The following SOS1 variants were observed in gnomAD, a reference collection of about 807,000 sequenced individuals.
SOS1 encodes son of sevenless homolog 1.
Under a neutral mutation model 157.6 loss-of-function variants are expected in SOS1, and 25 were observed. That is an observed-to-expected ratio of 0.16 (90% CI 0.12 to 0.22). The LOEUF is 0.22. Ranked by LOEUF, SOS1 falls within the 10% of genes least tolerant of loss-of-function variation. The probability of loss-of-function intolerance (pLI) is 1.00; values close to 1 mark genes in which losing one functional copy is unlikely to be tolerated. For synonymous variants in SOS1, 528 were observed against 534.0 expected, an observed-to-expected ratio of 0.99 and a Z score of 0.16; for missense variants, 1,237 against 1,599.1, an observed-to-expected ratio of 0.77 and a Z score of 3.86.
intron 1 of SOS1, among the ~76,000 whole-genome samples, chr2:39,093,364 T>C (rs779547479): frequency 1.3e-5 from 2 of 152,244 alleles, no homozygotes; most frequent in Non-Finnish European, 2.9e-5. Context: ...TATAGCAAAG[T>C]ACTGGCAATC....
At chr2:38,994,953 A>T (rs568365612) in intron 20 of SOS1, among the ~76,000 whole-genome samples, 170 bp downstream of exon 20, 1 of 152,328 alleles carries the variant, frequency 6.6e-6, no homozygotes, top group Admixed American at 6.5e-5. Context: ...AGAAATTTCA[A>T]GTTGGTGGAG....
chr2:39,023,091 A>G lies in SOS1; in HGVS notation c.1337T>C (p.Met446Thr), dbSNP rs1669849037. The G allele has an allele frequency of 6.2e-7, 1 of 1,613,652 alleles. No homozygotes were observed. Among genetic ancestry groups the G allele is most frequent in the South Asian group, 1.1e-5 (1 of 91,062 alleles). Residue 446 changes from methionine (M) to threonine (T), a missense_variant, in exon 10 of 23, where the codon ATG becomes ACG. This residue lies in a region of SOS1 where 210 missense variants were observed against 220.2 expected (regional missense o/e 0.95). Transcript: ENST00000402219. The stretch of plus-strand genomic sequence containing the variant: ...TCCTACACGTGTAAGAGTTCCTTCC[A>G]TTATAAATTCATTACAACACTGTCC... ...DIGQCCNEFI[M>T]EGTLTRVGAK...
chr2:39,023,288 T>A, intron 9 of SOS1, 63 bp from the exon 10 acceptor site: 1 of 1,230,856 alleles, frequency 8.1e-7, no homozygotes, highest in Non-Finnish European at 1.2e-6. Context: ...CTCATGTAAG[T>A]AAGGGAAAGT....
chr2:39,122,992 C>G (rs867922591), upstream of SOS1, among the ~76,000 whole-genome samples: 31 of 152,176 alleles, frequency 2.0e-4, no homozygotes, highest in African/African-American at 7.0e-4. Context: ...TACCGTACCC[C>G]ACAAAGGCGT....
At chr2:39,062,877 G>A (rs1389405370) in intron 2 of SOS1, among the ~76,000 whole-genome samples, 2 of 151,580 alleles carry the variant, frequency 1.3e-5, no homozygotes, top group Admixed American at 1.3e-4. Flanking sequence ...TATAAAAGAG[G>A]GAAAGAAATA....
chr2:39,035,279 T>G lies in SOS1; in HGVS notation c.1007A>C (p.Gln336Pro), dbSNP rs765028553. 1.9e-6 allele frequency: 3 copies of G among 1,613,794 alleles called. No homozygotes were observed. Among genetic ancestry groups the G allele is most frequent in the African/African-American group, 1.3e-5 (1 of 74,916 alleles). ...CAGAAGCAGCCTGGGTAAAACATAT[T>G]GAACAGCTTCTTTGAAACCTTCGCC... is the stretch of plus-strand genomic sequence containing the variant. Reference protein sequence around the residue: ...SIGEGFKEAVQYVLPRLLLAP... With the variant: ...SIGEGFKEAVPYVLPRLLLAP... Residue 336 changes from glutamine (Q) to proline (P), a missense_variant, in exon 8 of 23, where the codon CAA becomes CCA. By Grantham distance (76) the Gln-to-Pro change is moderately conservative. This residue lies in a region of SOS1 where 101 missense variants were observed against 171.5 expected (regional missense o/e 0.59). Coordinates refer to ENST00000402219, the MANE Select transcript of SOS1 (RefSeq NM_005633.4).
chr2:39,017,618 AAAAC>A (rs759557296), intron 10 of SOS1, among the ~76,000 whole-genome samples: 2 of 152,076 alleles, frequency 1.3e-5, no homozygotes, highest in Non-Finnish European at 2.9e-5. Context: ...GCAGAAACTA[AAAAC>A]AAACCAAGAA....
At chr2:39,108,027 T>C (rs560684757) in intron 1 of SOS1, among the ~76,000 whole-genome samples, 1 of 152,302 alleles carries the variant, frequency 6.6e-6, no homozygotes, top group East Asian at 1.9e-4. Flanking sequence ...GATGGTGCCT[T>C]AGTCTCCCTC....
intron 17 of SOS1, among the ~76,000 whole-genome samples, chr2:38,998,640 GAGA>G (rs1182686389): frequency 6.6e-6 from 1 of 152,178 alleles, no homozygotes; most frequent in East Asian, 1.9e-4. Context: ...GGGTTGCTGT[GAGA>G]AACAAATGAG....
intron 3 of SOS1, among the ~76,000 whole-genome samples, chr2:39,057,161 A>G (rs978953324): frequency 6.6e-6 from 1 of 152,310 alleles, no homozygotes; most frequent in East Asian, 1.9e-4. Context: ...TGGGGAAGGG[A>G]GCAAATGCTC....
At chr2:38,988,312 A>C (rs923536498) in intron 21 of SOS1, among the ~76,000 whole-genome samples, 1 of 152,196 alleles carries the variant, frequency 6.6e-6, no homozygotes, top group African/African-American at 2.4e-5. Context: ...GGACTGGCAC[A>C]AAAAAAGTAA....
rs528456567 is a variant in SOS1, at chr2:39,081,348, C to T, written c.88-13595G>A. On this transcript the variant is annotated intron_variant, in intron 1 of 22. Coordinates refer to ENST00000402219, the MANE Select transcript of SOS1 (RefSeq NM_005633.4). ...CAGCCTGGCCAACATGGTGAAACCC[C>T]GTCTCTAATAAAAATACAAAAATTA... is the stretch of plus-strand genomic sequence containing the variant. 4.0e-5 allele frequency among the ~76,000 whole-genome samples: 6 copies of T among 151,776 alleles called. No homozygotes were observed. In the South Asian group the frequency reaches 6.3e-4, roughly 16 times the overall value.
At chr2:38,989,386 T>C in intron 20 of SOS1, 72 bp from the exon 21 acceptor site, 1 of 927,494 alleles carries the variant, frequency 1.1e-6, no homozygotes, top group Non-Finnish European at 1.8e-6. Context: ...CAAAAATTTG[T>C]ATTATGATGA....
chr2:39,096,549 A>G (rs1672768141), intron 1 of SOS1, among the ~76,000 whole-genome samples: 1 of 152,222 alleles, frequency 6.6e-6, no homozygotes, highest in East Asian at 1.9e-4. Context: ...TTTATTACCT[A>G]ATAAAATGTT....
chr2:39,003,317 T>C (rs1174649625), intron 17 of SOS1, among the ~76,000 whole-genome samples: 2 of 152,172 alleles, frequency 1.3e-5, no homozygotes, highest in Non-Finnish European at 2.9e-5. Flanking sequence ...AGCAATTCTG[T>C]AGCAAGAAGG....
rs1409677443 is a variant in SOS1, at chr2:38,996,386, G to C, written c.3081+536C>G. Among the ~76,000 whole-genome samples the C allele has an allele frequency of 2.0e-5, 3 of 152,258 alleles. No homozygotes were observed. In the East Asian group the frequency reaches 5.8e-4, roughly 29 times the overall value. On this transcript the variant is annotated intron_variant, in intron 19 of 22. Transcript: ENST00000402219. Reference sequence around the variant, plus strand: ...ATTACAGGCACGAGCCACCGCACCTGGCAGACTTTTGACTTTTTTATGAAC... The same window carrying C: ...ATTACAGGCACGAGCCACCGCACCTCGCAGACTTTTGACTTTTTTATGAAC...
At chr2:39,027,829 TA>T (rs1165086062) in intron 8 of SOS1, among the ~76,000 whole-genome samples, 6 of 151,480 alleles carry the variant, frequency 4.0e-5, no homozygotes, top group Non-Finnish European at 7.4e-5. Context: ...ATCATATTAT[TA>T]TTTTTTTTTT....
Position 39,051,199 on chromosome 2 carries a change from G to C in SOS1, c.809C>G (p.Thr270Arg), listed in dbSNP as rs1671005154. ...LGHIEDTVEM[T>R]DEGSPHPLVG... is the part of the protein sequence containing the mutation. ...TAGTGGATGGGGACTGCCTTCATCT[G>C]TCATTTCTACTGTATCTTCTATATG... The change falls in exon 6 of 23, where the codon ACA becomes AGA. Residue 270 changes from threonine (T) to arginine (R), a missense_variant. Physicochemically the swap from Thr to Arg is moderately conservative, Grantham distance 71 (BLOSUM62 -1). Coordinates refer to ENST00000402219, the MANE Select transcript of SOS1 (RefSeq NM_005633.4). 6.2e-7 allele frequency: 1 copy of C among 1,613,404 alleles called. No individual in the cohort carries two copies. The highest frequency in any genetic ancestry group is 1.1e-5 in the South Asian group (1 of 91,066).
At chr2:39,103,867 T>C (rs1673065650) in intron 1 of SOS1, among the ~76,000 whole-genome samples, 1 of 152,208 alleles carries the variant, frequency 6.6e-6, no homozygotes, top group Non-Finnish European at 1.5e-5. Flanking sequence ...AAACTTTTGA[T>C]TGGGTTTAAA....
Sources: gnomAD v4.1 joint callset for allele counts (sites outside exome capture counted in the v4.1 genomes callset) on GRCh38, gnomAD v4.1.1 for gene constraint, gnomAD v4.1.1 regional missense constraint, MANE v1.5 for transcripts, NCBI Gene and HGNC (gene_info 2026-07-23, HGNC 2026-07-21) for gene names.